The following PRKN variants were observed in gnomAD, a reference collection of about 807,000 sequenced individuals.
PRKN encodes the protein E3 ubiquitin-protein ligase parkin.
Under a neutral mutation model 59.5 loss-of-function variants are expected in PRKN, and 56 were observed. The observed-to-expected ratio is 0.94, with a 90% CI of 0.76 to 1.18. The LOEUF is 1.18. PRKN is among the 50% of genes most tolerant of loss of function. The probability of loss-of-function intolerance (pLI) is 0.00; values close to 1 mark genes in which losing one functional copy is unlikely to be tolerated. For missense variants in PRKN, 657 were observed against 596.4 expected, an observed-to-expected ratio of 1.10 and a Z score of -1.06; for synonymous variants, 250 against 222.1, an observed-to-expected ratio of 1.13 and a Z score of -1.12.
chr6:161,617,402 T>C (rs1477441052), intron 7 of PRKN, among the ~76,000 whole-genome samples: 3 of 152,248 alleles, frequency 2.0e-5, no homozygotes, highest in South Asian at 2.1e-4. Context: ...CAGAAGCTTC[T>C]TTTGGTACTT....
intron 7 of PRKN, among the ~76,000 whole-genome samples, chr6:161,601,811 T>G (rs944877749): frequency 1.3e-5 from 2 of 152,154 alleles, no homozygotes; most frequent in Admixed American, 1.3e-4. Flanking sequence ...CTGGATCTCC[T>G]GACCTCGTGA....
At chr6:161,591,611 C>CA (rs564563720) in intron 7 of PRKN, among the ~76,000 whole-genome samples, 199 of 152,324 alleles carry the variant, frequency 1.3e-3, no homozygotes, top group African/African-American at 4.6e-3. Flanking sequence ...ATAATCAAGT[C>CA]AGTGCAGTCT....
At chr6:162,714,551 C>T (rs1437299802) in intron 1 of PRKN, among the ~76,000 whole-genome samples, 1 of 152,182 alleles carries the variant, frequency 6.6e-6, no homozygotes. Flanking sequence ...GCCATGTTTC[C>T]TCCATCAATC....
intron 2 of PRKN, among the ~76,000 whole-genome samples, chr6:162,337,353 A>T (rs554614851): frequency 1.3e-5 from 2 of 152,370 alleles, no homozygotes; most frequent in East Asian, 1.9e-4. Context: ...ATAAATATTT[A>T]AAAAGTTTCA....
intron 1 of PRKN, among the ~76,000 whole-genome samples, chr6:162,509,251 T>C (rs1034070674): frequency 6.6e-6 from 1 of 152,222 alleles, no homozygotes; most frequent in Non-Finnish European, 1.5e-5. Context: ...CTACCATCAC[T>C]GAGTTGTTCC....
At chr6:162,137,195 T>G (rs902804338) in intron 4 of PRKN, among the ~76,000 whole-genome samples, 1 of 152,162 alleles carries the variant, frequency 6.6e-6, no homozygotes, top group Non-Finnish European at 1.5e-5. Flanking sequence ...TTCCAATTAA[T>G]TTGGAGGTCT....
intron 2 of PRKN, among the ~76,000 whole-genome samples, chr6:162,330,803 C>T (rs1177908829): frequency 6.6e-6 from 1 of 152,186 alleles, no homozygotes; most frequent in East Asian, 1.9e-4. Flanking sequence ...GCTTCACTGA[C>T]ACACTCACCT....
intron 6 of PRKN, among the ~76,000 whole-genome samples, chr6:161,899,524 G>C (rs551687210): frequency 5.3e-5 from 8 of 152,146 alleles, no homozygotes; most frequent in African/African-American, 1.7e-4. Context: ...CTGGGAAGTG[G>C]GGTTGAGGGG....
intron 2 of PRKN, among the ~76,000 whole-genome samples, chr6:162,316,187 T>C (rs1782746550): frequency 6.6e-6 from 1 of 151,198 alleles, no homozygotes; most frequent in African/African-American, 2.4e-5. Flanking sequence ...GCATACAAGA[T>C]GTATAGGACC....
At chr6:161,967,824 T>C (rs941809824) in intron 6 of PRKN, among the ~76,000 whole-genome samples, 13 of 152,290 alleles carry the variant, frequency 8.5e-5, no homozygotes, top group Non-Finnish European at 1.2e-4. Context: ...TGAGACATAC[T>C]TGTGATGATT....
intron 1 of PRKN, among the ~76,000 whole-genome samples, chr6:162,690,355 C>G (rs1470598559): frequency 6.6e-6 from 1 of 152,316 alleles, no homozygotes; most frequent in South Asian, 2.1e-4. Flanking sequence ...AATGAGGCTG[C>G]TGTTCAAACT....
Position 162,700,869 on chromosome 6 carries a change from C to T in PRKN, c.7+26793G>A, listed in dbSNP as rs139086039. ...ACATCCTTCAAGATCCAATTCAAGGCCTGTCCTTTTGGTACATAAGCAATC... is the reference window on the plus strand; with the variant it reads ...ACATCCTTCAAGATCCAATTCAAGGTCTGTCCTTTTGGTACATAAGCAATC... On this transcript the variant is annotated intron_variant, in intron 1 of 11. Transcript: ENST00000366898. Among the ~76,000 whole-genome samples, 682 of 152,134 alleles carry T rather than the reference C, an allele frequency of 4.5e-3. 7 individuals are homozygous for T. Among genetic ancestry groups the T allele is most frequent in the African/African-American group, 0.015 (633 of 41,516 alleles).
In PRKN at chr6:161,623,602, G is replaced by A. The variant is rs796720967; in HGVS notation, c.872-54186C>T. On this transcript the variant is annotated intron_variant, in intron 7 of 11. Transcript: ENST00000366898. ...TTTTTGCAATGTCAACAGAGCTCTTGAATAAAATATTAGATTATGCCCCTG... is the reference window on the plus strand; with the variant it reads ...TTTTTGCAATGTCAACAGAGCTCTTAAATAAAATATTAGATTATGCCCCTG... 8.5e-5 allele frequency among the ~76,000 whole-genome samples: 13 copies of A among 152,278 alleles called. 1 individual carries two copies. Among genetic ancestry groups the A allele is most frequent in the African/African-American group, 3.1e-4 (13 of 41,564 alleles).
intron 1 of PRKN, among the ~76,000 whole-genome samples, chr6:162,459,356 A>T (rs1006710339): frequency 3.3e-5 from 5 of 152,224 alleles, no homozygotes; most frequent in Admixed American, 3.3e-4. Flanking sequence ...TAATATTAGT[A>T]CAAGAAATTA....
chr6:161,872,490 T>C (rs1794381062), intron 6 of PRKN, among the ~76,000 whole-genome samples: 1 of 152,140 alleles, frequency 6.6e-6, no homozygotes, highest in Non-Finnish European at 1.5e-5. Flanking sequence ...ATATCAGACA[T>C]ACCTCATAGC....
At chr6:161,516,728 G>A (rs1164423273) in intron 9 of PRKN, among the ~76,000 whole-genome samples, 1 of 146,308 alleles carries the variant, frequency 6.8e-6, no homozygotes, top group African/African-American at 2.5e-5. Flanking sequence ...TCAGGAGGCT[G>A]AGGCAGGAGA....
intron 4 of PRKN, among the ~76,000 whole-genome samples, chr6:162,087,073 C>T (rs973309807): frequency 8.5e-5 from 13 of 152,184 alleles, no homozygotes; most frequent in Admixed American, 3.3e-4. Flanking sequence ...ACCTCATTTT[C>T]TAAGGTCCCC....
chr6:162,023,545 T>C (rs1368672370), intron 5 of PRKN, among the ~76,000 whole-genome samples: 1 of 152,124 alleles, frequency 6.6e-6, no homozygotes, highest in Non-Finnish European at 1.5e-5. Flanking sequence ...CGGTGTGCTC[T>C]TCTCCTAGCC....
At chr6:162,411,463 T>A (rs1000166664) in intron 2 of PRKN, among the ~76,000 whole-genome samples, 9 of 152,212 alleles carry the variant, frequency 5.9e-5, no homozygotes, top group African/African-American at 1.7e-4. Flanking sequence ...TTTTCTCCTC[T>A]CCCCCAAGGA....
Sources: allele counts gnomAD v4.1 joint callset (sites outside exome capture counted in the v4.1 genomes callset), GRCh38; gene constraint gnomAD v4.1.1; transcripts MANE v1.5; gene names NCBI Gene and HGNC (gene_info 2026-07-23, HGNC 2026-07-21).